The following R3HDM4 variants were observed in gnomAD, a reference collection of about 807,000 sequenced individuals.
R3HDM4 encodes the protein R3H domain-containing protein 4.
Under a neutral mutation model 31.3 loss-of-function variants are expected in R3HDM4, and 30 were observed. The observed-to-expected ratio is 0.96, with a 90% confidence interval of 0.72 to 1.30. The LOEUF (loss-of-function observed/expected upper bound fraction) is 1.30. Ranked by LOEUF, R3HDM4 falls within the 50% of genes most tolerant of loss-of-function variation. The pLI is 0.00. For missense variants in R3HDM4, 444 were observed against 366.1 expected (o/e 1.21, Z -1.74); for synonymous variants, 196 against 156.6 (o/e 1.25, Z -1.88).
chr19:899,367 G>T lies in R3HDM4; in HGVS notation c.703+73C>A. On this transcript the variant is annotated intron_variant, in intron 7 of 7. Coordinates refer to ENST00000361574, the MANE Select transcript of R3HDM4 (RefSeq NM_138774.4). This position sits in a 1 kb window ranked among gnomAD's most constrained non-coding sequence, Gnocchi z 6.8. ...CACCAAGCCCCACTCTGAGGAACCA[G>T]GCCCCTGGGACCCTGGCCACTTTCC... 1 of 1,455,330 alleles carries T rather than the reference G, an allele frequency of 6.9e-7. No individual in the cohort carries two copies. The highest frequency in any genetic ancestry group is 1.1e-5 in the South Asian group (1 of 87,826). The allele number at this position is 1,455,330 out of a possible 1,614,324, so 90.2% of individuals were successfully genotyped here. A position where few individuals can be genotyped will look rare whatever the true frequency, so the allele number is the denominator to read the frequency against.
chr19:905,912 C>T (rs1841981262), intron 1 of R3HDM4, among the ~76,000 whole-genome samples: 2 of 152,184 alleles, frequency 1.3e-5, no homozygotes, highest in South Asian at 4.1e-4. Flanking sequence ...CTCAATGGCC[C>T]AGGCAAGCCT....
chr19:898,938 G>A (rs2145280826), intron 7 of R3HDM4, among the ~76,000 whole-genome samples: 1 of 152,308 alleles, frequency 6.6e-6, no homozygotes, highest in East Asian at 1.9e-4. Context: ...GACCAGATGG[G>A]GTGCCTGGGG....
chr19:903,236 C>T (rs1347798820), intron 1 of R3HDM4, among the ~76,000 whole-genome samples: 3 of 138,004 alleles, frequency 2.2e-5, no homozygotes, highest in Admixed American at 1.4e-4. Context: ...CAGCCCCCCC[C>T]GCAAACCCCC....
At chr19:901,375 C>G (rs1413939835) in intron 3 of R3HDM4, 47 bp downstream of exon 3, 2 of 1,575,324 alleles carry the variant, frequency 1.3e-6, no homozygotes, top group South Asian at 2.3e-5. Flanking sequence ...CGTAGGAGAA[C>G]TGCCGGGGTC....
chr19:901,436 C>T lies in R3HDM4; in HGVS notation c.337G>A (p.Ala113Thr), dbSNP rs145311915. 1.6e-4 allele frequency: 253 copies of T among 1,607,016 alleles called. No individual in the cohort carries two copies. The highest frequency in any genetic ancestry group is 2.1e-4 in the Non-Finnish European group (248 of 1,179,392). The change falls in exon 3 of 8, where the codon GCC (alanine) becomes ACC (threonine). Residue 113 changes from alanine (A) to threonine (T), a missense_variant. Ala to Thr is a moderately conservative substitution (Grantham distance 58). Transcript: ENST00000361574. The stretch of plus-strand genomic sequence containing the variant: ...GGGGGCCACACCTCCACATAGGTGG[C>T]GTTGTTGCAGGCCTCGGCAAAGATG... The part of the protein sequence containing the change: ...PGIFAEACNN[A>T]TYVEVWNDFM...
At chr19:909,047 G>A (rs1036963765) in intron 1 of R3HDM4, among the ~76,000 whole-genome samples, 4 of 152,192 alleles carry the variant, frequency 2.6e-5, no homozygotes, top group African/African-American at 7.2e-5. Flanking sequence ...CTTTACAGAC[G>A]AGGAAACTGA....
Position 908,616 on chromosome 19 carries a change from T to A in R3HDM4, c.71+4471A>T, listed in dbSNP as rs2036934450. The stretch of plus-strand genomic sequence containing the variant: ...CAGAATGAGACTGTCTCAAAAAAAA[T>A]AAAAATAAAATAAAAAATAAAAAAA... On this transcript the variant is annotated intron_variant, in intron 1 of 7. Coordinates refer to ENST00000361574, the MANE Select transcript of R3HDM4 (RefSeq NM_138774.4). Among the ~76,000 whole-genome samples, 6 of 151,420 alleles carry A rather than the reference T, an allele frequency of 4.0e-5. No homozygotes were observed. In the South Asian group the frequency reaches 1.3e-3, roughly 32 times the overall value.
intron 1 of R3HDM4, chr19:902,740 C>A (rs2036853485): frequency 1.3e-5 from 2 of 152,386 alleles, no homozygotes; most frequent in African/African-American, 4.8e-5. Context: ...GGGTTGAAGA[C>A]CAGCCTGGCC....
intron 1 of R3HDM4, among the ~76,000 whole-genome samples, chr19:906,258 C>T (rs1175761082): frequency 2.7e-5 from 4 of 145,940 alleles, no homozygotes; most frequent in East Asian, 2.0e-4. Context: ...CTCGCTCTGT[C>T]GCCCAGGCTG....
rs2036749915 is a variant in R3HDM4 at position 897,185 on chromosome 19, G to T, written c.*252C>A. ...CGATGAAGAAACAGGAACATGCCCA[G>T]GTCAGGTCTCCCCACCCAAACACAA... On this transcript the variant is annotated 3_prime_UTR_variant, in exon 8 of 8. Coordinates refer to ENST00000361574, the MANE Select transcript of R3HDM4 (RefSeq NM_138774.4). 2 of 453,116 alleles carry T rather than the reference G, an allele frequency of 4.4e-6. No homozygotes were observed. Among genetic ancestry groups the T allele is most frequent in the Non-Finnish European group, 7.8e-6 (2 of 255,224 alleles). 28.1% of individuals were successfully genotyped at this position (453,116 alleles called of 1,614,324 possible).
In R3HDM4 at chr19:901,956, G is replaced by C. The variant is rs114067638; in HGVS notation, c.226+20C>G. The C allele has an allele frequency of 6.2e-7, 1 of 1,612,552 alleles. No individual in the cohort carries two copies. The highest frequency in any genetic ancestry group is 8.5e-7 in the Non-Finnish European group (1 of 1,179,800). ...CAAGGCCCAGGAGCCCCCAGGAGGCGCCTCCCGACCCCTGCTCACTGTTCT... is the reference window on the plus strand; with the variant it reads ...CAAGGCCCAGGAGCCCCCAGGAGGCCCCTCCCGACCCCTGCTCACTGTTCT... On this transcript the variant is annotated intron_variant, in intron 2 of 7. Coordinates refer to ENST00000361574, the MANE Select transcript of R3HDM4 (RefSeq NM_138774.4).
At chr19:901,252 G>T in intron 3 of R3HDM4, 170 bp downstream of exon 3, 1 of 744,332 alleles carries the variant, frequency 1.3e-6, no homozygotes, top group Non-Finnish European at 2.1e-6. Flanking sequence ...CAGGGGTGGG[G>T]TGGGGATTCT....
chr19:912,572 C>A (rs1348592593), intron 1 of R3HDM4, among the ~76,000 whole-genome samples: 1 of 40,678 alleles, frequency 2.5e-5, no homozygotes, highest in Non-Finnish European at 4.5e-5. Flanking sequence ...TGGATCAGGG[C>A]AGTGGGGGGG....
chr19:901,585 T>A (rs377666354), intron 2 of R3HDM4, 39 bp from the exon 3 acceptor site: 18 of 1,582,620 alleles, frequency 1.1e-5, no homozygotes, highest in Non-Finnish European at 1.4e-5. Flanking sequence ...GGGGTGGCAT[T>A]TGGGGACCCC....
rs1175859995 is a variant in R3HDM4, at chr19:897,108, A to G, written c.*329T>C. The G allele has an allele frequency of 7.0e-6, 2 of 286,890 alleles. No homozygotes were observed. The highest frequency in any genetic ancestry group is 4.4e-5 in the African/African-American group (2 of 45,890). 17.8% of individuals were successfully genotyped at this position (286,890 alleles called of 1,614,324 possible). ...ACCAAATTCATTAAAAGTGATAAAA[A>G]CCCAGCCTCCCCCTCCTCACTTGAG... On this transcript the variant is annotated 3_prime_UTR_variant, in exon 8 of 8. Transcript: ENST00000361574.
chr19:897,179 T>C lies in R3HDM4; in HGVS notation c.*258A>G, dbSNP rs1469071374. On this transcript the variant is annotated 3_prime_UTR_variant, in exon 8 of 8. Transcript: ENST00000361574. ...GCTCAACGATGAAGAAACAGGAACATGCCCAGGTCAGGTCTCCCCACCCAA... is the reference window on the plus strand; with the variant it reads ...GCTCAACGATGAAGAAACAGGAACACGCCCAGGTCAGGTCTCCCCACCCAA... The C allele has an allele frequency of 2.4e-6, 1 of 416,716 alleles. No homozygotes were observed. The highest frequency in any genetic ancestry group is 2.0e-5 in the African/African-American group (1 of 48,856). The allele number at this position is 416,716 out of a possible 1,614,324, so 25.8% of individuals were successfully genotyped here. A position where few individuals can be genotyped will look rare whatever the true frequency, so the allele number is the denominator to read the frequency against.
In R3HDM4 at chr19:900,869, C is replaced by G; in HGVS notation, c.435G>C (p.Ala145=). The change falls in exon 4 of 8, where the codon GCG becomes GCC. Residue 145 remains alanine (A), a synonymous_variant. Coordinates refer to ENST00000361574, the MANE Select transcript of R3HDM4 (RefSeq NM_138774.4). ...RYLEDEGRSK[A]RRRGPGRGED... The stretch of plus-strand genomic sequence containing the variant: ...CCCCACGGCCAGGGCCCCTCCTCCG[C>G]GCCTTGCTCCTGCCCTCATCCTCCA... The G allele has an allele frequency of 6.4e-7, 1 of 1,560,516 alleles. No homozygotes were observed. Among genetic ancestry groups the G allele is most frequent in the Non-Finnish European group, 8.7e-7 (1 of 1,154,278 alleles).
chr19:897,055 G>A lies in R3HDM4; in HGVS notation c.*382C>T. ...TTTTTTTGGTTTTTCTCTCCAAAAG[G>A]GAAATTTAAAAATCTACAACAAATC... On this transcript the variant is annotated 3_prime_UTR_variant, in exon 8 of 8. Transcript: ENST00000361574. 5.7e-6 allele frequency: 1 copy of A among 176,402 alleles called. No individual in the cohort carries two copies. Among genetic ancestry groups the A allele is most frequent in the Non-Finnish European group, 1.2e-5 (1 of 84,656 alleles). 10.9% of individuals were successfully genotyped at this position (176,402 alleles called of 1,614,324 possible). A position where few individuals can be genotyped will look rare whatever the true frequency, so the allele number is the denominator to read the frequency against.
intron 7 of R3HDM4, among the ~76,000 whole-genome samples, chr19:898,522 C>T (rs1230275613): frequency 6.6e-6 from 1 of 152,064 alleles, no homozygotes; most frequent in Non-Finnish European, 1.5e-5. Flanking sequence ...ATCGCTTGAA[C>T]CCGGAGGTGG....
Sources: allele counts gnomAD v4.1 joint callset (sites outside exome capture counted in the v4.1 genomes callset), GRCh38; gene constraint gnomAD v4.1.1; non-coding constraint Gnocchi (gnomAD v3.1); transcripts MANE v1.5; gene names NCBI Gene and HGNC (gene_info 2026-07-23, HGNC 2026-07-21).